Variants in C2CD2 observed in about 807,000 individuals in gnomAD.
The protein encoded by C2CD2 is C2 domain-containing protein 2.
Under a neutral mutation model 74.3 loss-of-function variants are expected in C2CD2, and 43 were observed. That is an observed-to-expected ratio of 0.58 (90% CI 0.45 to 0.75). The LOEUF is 0.75. C2CD2 is among the 30% of genes least tolerant of loss of function. The pLI, the probability that C2CD2 is intolerant of heterozygous loss-of-function variation, is 0.00. For missense variants in C2CD2, 801 were observed against 916.3 expected, an observed-to-expected ratio of 0.87 and a Z score of 1.63; for synonymous variants, 422 against 390.7, an observed-to-expected ratio of 1.08 and a Z score of -0.94.
intron 1 of C2CD2, among the ~76,000 whole-genome samples, chr21:41,949,909 G>A (rs1046778060): frequency 1.3e-5 from 2 of 152,186 alleles, no homozygotes; most frequent in Non-Finnish European, 2.9e-5. Flanking sequence ...AACACCGCAT[G>A]TTCTCACTCA....
intron 2 of C2CD2, among the ~76,000 whole-genome samples, chr21:41,928,581 G>A (rs1379049639): frequency 4.2e-5 from 6 of 144,178 alleles, no homozygotes; most frequent in African/African-American, 1.0e-4. Flanking sequence ...CAACTGAGCC[G>A]AGCTTCCTGT....
Position 41,889,075 on chromosome 21 carries a change from A to T in C2CD2, c.*49T>A. The T allele has an allele frequency of 1.5e-6, 2 of 1,312,884 alleles. No individual in the cohort carries two copies. Among genetic ancestry groups the T allele is most frequent in the Non-Finnish European group, 2.2e-6 (2 of 910,386 alleles). 81.3% of individuals were successfully genotyped at this position (1,312,884 alleles called of 1,614,324 possible). A position where few individuals can be genotyped will look rare whatever the true frequency, so the allele number is the denominator to read the frequency against. ...ACACTGGCTGCGTCCTGGTGAGGGT[A>T]GTTAACATGGGTGCACGTCTTCTGG... is the stretch of plus-strand genomic sequence containing the variant. On this transcript the variant is annotated 3_prime_UTR_variant, in exon 14 of 14. Transcript: ENST00000380486.
chr21:41,889,352 A>T lies in C2CD2; in HGVS notation c.1871-8T>A. ...CTTTCCTTAGAATTCCTCCTGGAAG[A>T]GGGAGGCACAAGGGCTGGTCAAGTG... On this transcript the variant is annotated splice_polypyrimidine_tract_variant and splice_region_variant and intron_variant, in intron 13 of 13. Coordinates refer to ENST00000380486, the MANE Select transcript of C2CD2 (RefSeq NM_015500.2). The T allele has an allele frequency of 6.2e-7, 1 of 1,604,252 alleles. No homozygotes were observed. Among genetic ancestry groups the T allele is most frequent in the Non-Finnish European group, 8.5e-7 (1 of 1,171,796 alleles).
At chr21:41,950,538 G>A (rs1468611704) in intron 1 of C2CD2, among the ~76,000 whole-genome samples, 2 of 152,238 alleles carry the variant, frequency 1.3e-5, no homozygotes, top group African/African-American at 2.4e-5. Context: ...CCTGGAAGGT[G>A]CGAGCCCCAC....
chr21:41,891,593 C>A (rs1160656276), intron 13 of C2CD2, among the ~76,000 whole-genome samples: 1 of 152,062 alleles, frequency 6.6e-6, no homozygotes, highest in Non-Finnish European at 1.5e-5. Context: ...ATGAGGGGGA[C>A]CTCAGTGGTG....
chr21:41,926,521 T>C lies in C2CD2; in HGVS notation c.379-4436A>G, dbSNP rs1484075003. 1 of 704,360 alleles carries C rather than the reference T, an allele frequency of 1.4e-6. No homozygotes were observed. Among genetic ancestry groups the C allele is most frequent in the Middle Eastern group, 7.2e-4 (1 of 1,386 alleles). 43.6% of individuals were successfully genotyped at this position (704,360 alleles called of 1,614,324 possible). On this transcript the variant is annotated intron_variant, in intron 2 of 13. Transcript: ENST00000380486. This position sits in a 1 kb window ranked among gnomAD's most constrained non-coding sequence, Gnocchi z 8.0. The stretch of plus-strand genomic sequence containing the variant: ...CTGAGCGGGGAGGCCTTCATTCACC[T>C]TCTCGGTGCTCTCTCCAGCCTCAAC...
chr21:41,913,000 T>C (rs1216775952), intron 6 of C2CD2, among the ~76,000 whole-genome samples: 2 of 152,140 alleles, frequency 1.3e-5, no homozygotes, highest in African/African-American at 2.4e-5. Flanking sequence ...CCCAAGTACC[T>C]CGCCCCCTCC....
intron 3 of C2CD2, among the ~76,000 whole-genome samples, chr21:41,919,236 G>A (rs1269288982): frequency 1.3e-5 from 2 of 152,244 alleles, no homozygotes; most frequent in East Asian, 1.9e-4. Context: ...GTGTGCATGT[G>A]AGCACGTGTG....
At chr21:41,894,970 G>T (rs962109858) in intron 13 of C2CD2, 1 of 456,558 alleles carries the variant, frequency 2.2e-6, no homozygotes, top group Non-Finnish European at 4.4e-6. Flanking sequence ...GTGAGGTGTC[G>T]CTGTGTCAAC....
At chr21:41,910,135 G>C (rs1326386595) in intron 7 of C2CD2, among the ~76,000 whole-genome samples, 1 of 152,060 alleles carries the variant, frequency 6.6e-6, no homozygotes, top group Admixed American at 6.5e-5. Flanking sequence ...CGCCCAGCCT[G>C]TAACCTATTC....
rs1324221205 is a variant in C2CD2, at chr21:41,885,595, T to A, written c.*3529A>T. ...GTGGGGAGAGGGCCTGGCAGCAGGGTTTACGCCAGCCCCGAGGTCTGTTTT... is the reference window on the plus strand; with the variant it reads ...GTGGGGAGAGGGCCTGGCAGCAGGGATTACGCCAGCCCCGAGGTCTGTTTT... On this transcript the variant is annotated 3_prime_UTR_variant, in exon 14 of 14. Transcript: ENST00000380486. 5 of 152,716 alleles carry A rather than the reference T, an allele frequency of 3.3e-5. No homozygotes were observed. Among genetic ancestry groups the A allele is most frequent in the Non-Finnish European group, 7.3e-5 (5 of 68,134 alleles). The allele number at this position is 152,716 out of a possible 1,614,324, so 9.5% of individuals were successfully genotyped here. A position where few individuals can be genotyped will look rare whatever the true frequency, so the allele number is the denominator to read the frequency against.
In C2CD2 at chr21:41,939,820, G is replaced by A. The variant is rs2146223961; in HGVS notation, c.378+2327C>T. ...AACCGGGAACAGCACTTTGGTGACT[G>A]ACTCAGGAATACTTGGTCAAGCTGA... On this transcript the variant is annotated intron_variant, in intron 2 of 13. Coordinates refer to ENST00000380486, the MANE Select transcript of C2CD2 (RefSeq NM_015500.2). This position sits in a 1 kb window ranked among gnomAD's most constrained non-coding sequence, Gnocchi z 5.5. Among the ~76,000 whole-genome samples, 1 of 152,340 alleles carries A rather than the reference G, an allele frequency of 6.6e-6. No individual in the cohort carries two copies. Among genetic ancestry groups the A allele is most frequent in the Middle Eastern group, 3.4e-3 (1 of 294 alleles).
intron 5 of C2CD2, 99 bp downstream of exon 5, chr21:41,918,006 A>G: frequency 7.2e-7 from 1 of 1,387,192 alleles, no homozygotes; most frequent in South Asian, 1.3e-5. Context: ...CTACCATGGG[A>G]GGTGGAGGAA....
chr21:41,904,883 C>T (rs1241189819), intron 11 of C2CD2, among the ~76,000 whole-genome samples: 1 of 152,058 alleles, frequency 6.6e-6, no homozygotes, highest in Non-Finnish European at 1.5e-5. Flanking sequence ...AAGTTAATCC[C>T]CAAATTTAGA....
At chr21:41,913,561 A>G (rs2065052864) in intron 6 of C2CD2, among the ~76,000 whole-genome samples, 1 of 152,198 alleles carries the variant, frequency 6.6e-6, no homozygotes, top group Non-Finnish European at 1.5e-5. Flanking sequence ...GCCACTAAGC[A>G]GTACAGGCTG....
rs1555906757 is a variant in C2CD2, at chr21:41,947,112, T to TCTCTCTCTCTCTCTCTCTC, written c.280-4868_280-4867insGAGAGAGAGAGAGAGAGAG. Among the ~76,000 whole-genome samples, 42 of 26,218 alleles carry TCTCTCTCTCTCTCTCTCTC rather than the reference T, an allele frequency of 1.6e-3. 1 individual carries two copies. Among genetic ancestry groups the TCTCTCTCTCTCTCTCTCTC allele is most frequent in the South Asian group, 7.6e-3 (7 of 926 alleles). 17.2% of individuals were successfully genotyped at this position (26,218 alleles called of 152,430 possible). A position where few individuals can be genotyped will look rare whatever the true frequency, so the allele number is the denominator to read the frequency against. ...TTTCTTTCTTTCTTTCCTTTCTCTT[T>TCTCTCTCTCTCTCTCTCTC]TCTCTCTCTCTCTCTCTCTCTCTCT... On this transcript the variant is annotated intron_variant, in intron 1 of 13. Transcript: ENST00000380486.
At position 41,885,403 on chromosome 21, in the gene C2CD2, T is replaced by C. The variant is rs1367159534; in HGVS notation, c.*3721A>G. On this transcript the variant is annotated 3_prime_UTR_variant, in exon 14 of 14. Transcript: ENST00000380486. ...ACAAACCACAAGCCTAAATGATGAA[T>C]GGTGCGCTGCTGCCCAGCTGCTAAC... 1 of 152,652 alleles carries C rather than the reference T, an allele frequency of 6.6e-6. No homozygotes were observed. The highest frequency in any genetic ancestry group is 1.9e-4 in the East Asian group (1 of 5,200). The allele number at this position is 152,652 out of a possible 1,614,324, so 9.5% of individuals were successfully genotyped here.
intron 5 of C2CD2, among the ~76,000 whole-genome samples, chr21:41,915,088 G>C (rs2065073653): frequency 6.6e-6 from 1 of 152,182 alleles, no homozygotes; most frequent in Non-Finnish European, 1.5e-5. Context: ...AGAGCATGAG[G>C]ACCTCTTCCG....
At position 41,887,945 on chromosome 21, in the gene C2CD2, A is replaced by G. The variant is rs905962460; in HGVS notation, c.*1179T>C. 5 of 152,494 alleles carry G rather than the reference A, an allele frequency of 3.3e-5. No individual in the cohort carries two copies. The highest frequency in any genetic ancestry group is 9.6e-5 in the African/African-American group (4 of 41,584). 9.4% of individuals were successfully genotyped at this position (152,494 alleles called of 1,614,324 possible). On this transcript the variant is annotated 3_prime_UTR_variant, in exon 14 of 14. Coordinates refer to ENST00000380486, the MANE Select transcript of C2CD2 (RefSeq NM_015500.2). ...GTGAATGAACTGAAATAGAAAGGCA[A>G]CTGATGAGGAAAGCGACTGGAATGA...
Sources: gnomAD v4.1 joint callset for allele counts (sites outside exome capture counted in the v4.1 genomes callset) on GRCh38, gnomAD v4.1.1 for gene constraint, Gnocchi (gnomAD v3.1) non-coding constraint, MANE v1.5 for transcripts, NCBI Gene and HGNC (gene_info 2026-07-23, HGNC 2026-07-21) for gene names.